The following UNK variants were observed in gnomAD, a reference collection of about 807,000 sequenced individuals.
UNK encodes the protein unk zinc finger.
A neutral mutation model predicts 97.6 loss-of-function variants in UNK; 32 were observed. That is an observed-to-expected ratio of 0.33 (90% CI 0.25 to 0.44). UNK has a LOEUF of 0.44. Among genes scored for constraint, UNK ranks in the 20% least tolerant of loss-of-function variants. UNK has a pLI of 1.00. For synonymous variants in UNK, 441 were observed against 461.2 expected (o/e 0.96, Z 0.56); for missense variants, 771 against 1,098.4 (o/e 0.70, Z 4.21).
At chr17:75,823,678 G>C (rs1368562359) in intron 15 of UNK, among the ~76,000 whole-genome samples, 156 bp downstream of exon 15, 1 of 152,242 alleles carries the variant, frequency 6.6e-6, no homozygotes, top group Admixed American at 6.5e-5. Context: ...TGCTGGGAAT[G>C]GGTGAGGAGA....
intron 1 of UNK, among the ~76,000 whole-genome samples, chr17:75,806,896 G>C (rs542029923): frequency 2.0e-5 from 3 of 152,350 alleles, no homozygotes; most frequent in Admixed American, 2.0e-4. Context: ...AAGGTCTTAA[G>C]TCCCTGACCC....
At chr17:75,804,180 G>A (rs961054187) in intron 1 of UNK, among the ~76,000 whole-genome samples, 42 of 152,334 alleles carry the variant, frequency 2.8e-4, no homozygotes, top group African/African-American at 9.6e-4. Context: ...CTGGGTGGGC[G>A]TGGTGGCTTA....
In UNK at chr17:75,818,813, A is replaced by G. The variant is rs774436441; in HGVS notation, c.1543A>G (p.Ile515Val). The G allele has an allele frequency of 2.5e-6, 4 of 1,598,232 alleles. No homozygotes were observed. The African/African-American group carries it at 4.0e-5, about 16-fold the overall frequency. ...CACCAGCGACACGGTAGAGTCAGTC[A>G]TAGGTAACTAGGCCATTTCTGTTTG... ...YPTSDTVESV[I>V]ESALDDLDLN... is the part of the protein sequence containing the mutation. Residue 515 changes from isoleucine (I) to valine (V), a missense_variant, in exon 11 of 16, where the codon ATA (isoleucine) becomes GTA (valine). Coordinates refer to ENST00000589666, the MANE Select transcript of UNK (RefSeq NM_001080419.3). This position sits in a 1 kb window ranked among gnomAD's most constrained non-coding sequence, Gnocchi z 5.1.
Position 75,790,596 on chromosome 17 carries a change from A to G in UNK, c.104+5612A>G, listed in dbSNP as rs143393174. The stretch of plus-strand genomic sequence containing the variant: ...CAGTGAGCCAAGATTGTGTTACTGC[A>G]CTCCAGCCTGGGTGACAGAGCAAGA... On this transcript the variant is annotated intron_variant, in intron 1 of 15. Coordinates refer to ENST00000589666, the MANE Select transcript of UNK (RefSeq NM_001080419.3). Among the ~76,000 whole-genome samples the G allele has an allele frequency of 2.6e-3, 399 of 152,014 alleles. 1 individual carries two copies. The highest frequency in any genetic ancestry group is 9.2e-3 in the African/African-American group (382 of 41,460).
chr17:75,807,576 C>T (rs1567801951), intron 1 of UNK, among the ~76,000 whole-genome samples: 1 of 152,202 alleles, frequency 6.6e-6, no homozygotes, highest in Admixed American at 6.5e-5. Flanking sequence ...CCTCAGCCTC[C>T]TGAGTAGCTG....
intron 1 of UNK, among the ~76,000 whole-genome samples, chr17:75,803,203 C>T (rs2061879221): frequency 1.3e-5 from 2 of 152,152 alleles, no homozygotes; most frequent in Non-Finnish European, 2.9e-5. Context: ...TCAAGACCAT[C>T]GATCTCCCAA....
At position 75,784,930 on chromosome 17, in the gene UNK, C is replaced by A. The variant is rs1366880557; in HGVS notation, c.50C>A (p.Pro17Gln). The change falls in exon 1 of 16, where the codon CCG (proline) becomes CAG (glutamine). Residue 17 changes from proline (P) to glutamine (Q), a missense_variant. Around this residue, in one of 5 missense-constraint regions of UNK, gnomAD observed 34 missense variants for 24.7 expected, o/e 1.37. Coordinates refer to ENST00000589666, the MANE Select transcript of UNK (RefSeq NM_001080419.3). ...GGCTCCGCAGCTTCCTCGGCGCCCC[C>A]GGCCGCTACCGCTCAGGTGCTGCAG... The part of the protein sequence containing the change: ...PGGSAASSAP[P>Q]AATAQVLQAQ... 6.4e-7 allele frequency: 1 copy of A among 1,554,586 alleles called. No homozygotes were observed. Among genetic ancestry groups the A allele is most frequent in the Non-Finnish European group, 8.7e-7 (1 of 1,153,124 alleles).
At chr17:75,823,125 C>A in intron 14 of UNK, 140 bp from the exon 15 acceptor site, 1 of 1,357,966 alleles carries the variant, frequency 7.4e-7, no homozygotes, top group Non-Finnish European at 9.8e-7. Context: ...CAGCATCAGC[C>A]TCCTCCTTGC....
chr17:75,818,567 C>A lies in UNK; in HGVS notation c.1372-75C>A. On this transcript the variant is annotated intron_variant, in intron 10 of 15. Coordinates refer to ENST00000589666, the MANE Select transcript of UNK (RefSeq NM_001080419.3). The surrounding 1 kb of genome is among the most constrained non-coding windows in gnomAD (Gnocchi z 5.1). ...CACGGGCCATTTCCCTTGCCCCCAG[C>A]CCCTCTCCAGCCTCTCGTCCTGGCC... is the stretch of plus-strand genomic sequence containing the variant. The A allele has an allele frequency of 6.7e-7, 1 of 1,489,114 alleles. No homozygotes were observed. Among genetic ancestry groups the A allele is most frequent in the Non-Finnish European group, 9.0e-7 (1 of 1,109,414 alleles). 92.2% of individuals were successfully genotyped at this position (1,489,114 alleles called of 1,614,324 possible).
Position 75,818,212 on chromosome 17 carries a change from G to A in UNK, c.1371+44G>A. 6.2e-7 allele frequency: 1 copy of A among 1,608,374 alleles called. No homozygotes were observed. The highest frequency in any genetic ancestry group is 1.1e-5 in the South Asian group (1 of 90,704). On this transcript the variant is annotated intron_variant, in intron 10 of 15. Transcript: ENST00000589666. This position sits in a 1 kb window ranked among gnomAD's most constrained non-coding sequence, Gnocchi z 5.1. ...CCTTCCTCCCCTCTGCTGTGGACAG[G>A]AGTGGCCCAGAACCCCAGGAGGCTT...
In UNK at chr17:75,817,597, T is replaced by C; in HGVS notation, c.1305+71T>C. On this transcript the variant is annotated intron_variant, in intron 9 of 15. Transcript: ENST00000589666. The surrounding 1 kb of genome is among the most constrained non-coding windows in gnomAD (Gnocchi z 5.8). ...GGGGCAAGAGAATCTTGGAGGAGTGTCTTGGTCCAGCTACGGGGAGGATGA... is the reference window on the plus strand; with the variant it reads ...GGGGCAAGAGAATCTTGGAGGAGTGCCTTGGTCCAGCTACGGGGAGGATGA... The C allele has an allele frequency of 6.8e-7, 1 of 1,467,238 alleles. No individual in the cohort carries two copies. Among genetic ancestry groups the C allele is most frequent in the Non-Finnish European group, 9.2e-7 (1 of 1,090,638 alleles). 90.9% of individuals were successfully genotyped at this position (1,467,238 alleles called of 1,614,324 possible).
intron 1 of UNK, among the ~76,000 whole-genome samples, chr17:75,802,509 G>A (rs752926703): frequency 2.6e-5 from 4 of 151,910 alleles, no homozygotes; most frequent in Admixed American, 2.0e-4. Context: ...TCCCACCTCC[G>A]CCTCCTGTGT....
intron 1 of UNK, chr17:75,785,487 G>A (rs2061700744): frequency 6.5e-6 from 1 of 153,056 alleles, no homozygotes; most frequent in Non-Finnish European, 1.5e-5. Flanking sequence ...ACACTTGCTT[G>A]AATTCACAGT....
chr17:75,812,204 C>T lies in UNK; in HGVS notation c.407C>T (p.Ser136Leu). 6.2e-7 allele frequency: 1 copy of T among 1,614,062 alleles called. No homozygotes were observed. The highest frequency in any genetic ancestry group is 8.5e-7 in the Non-Finnish European group (1 of 1,179,924). The part of the protein sequence containing the change: ...KTGICIHETD[S>L]KGNCTKNGLH... ...GGAATCTGCATCCACGAGACAGACT[C>T]GAAAGGCAACTGCACCAAAAACGGC... Residue 136 changes from serine (S) to leucine (L), a missense_variant, in exon 3 of 16, where the codon TCG (serine) becomes TTG (leucine). Ser to Leu is a moderately radical substitution (Grantham distance 145). Around this residue, in one of 5 missense-constraint regions of UNK, gnomAD observed 246 missense variants for 440.7 expected, o/e 0.56. Transcript: ENST00000589666.
chr17:75,794,320 G>A (rs1466735309), intron 1 of UNK: 1 of 384,508 alleles, frequency 2.6e-6, no homozygotes, highest in Admixed American at 6.4e-5. Flanking sequence ...TACTACTGTT[G>A]TTTTTCCTTT....
intron 1 of UNK, among the ~76,000 whole-genome samples, chr17:75,803,195 A>G (rs879509708): frequency 2.8e-4 from 39 of 137,816 alleles, no homozygotes; most frequent in South Asian, 9.0e-4. Context: ...TCAGGAGATC[A>G]AGACCATCGA....
Position 75,817,551 on chromosome 17 carries a change from G to A in UNK, c.1305+25G>A. 1.3e-6 allele frequency: 2 copies of A among 1,580,372 alleles called. No individual in the cohort carries two copies. Among genetic ancestry groups the A allele is most frequent in the Middle Eastern group, 1.9e-4 (1 of 5,132 alleles). The stretch of plus-strand genomic sequence containing the variant: ...GGTAAGGGATGAGGGAGGCAGCAGT[G>A]AGGTTAGCCTTCTCCTGCGTGGGGC... On this transcript the variant is annotated intron_variant, in intron 9 of 15. Coordinates refer to ENST00000589666, the MANE Select transcript of UNK (RefSeq NM_001080419.3). The surrounding 1 kb of genome is among the most constrained non-coding windows in gnomAD (Gnocchi z 5.8).
intron 1 of UNK, among the ~76,000 whole-genome samples, chr17:75,802,308 GCATGC>G (rs2061868795): frequency 7.7e-6 from 1 of 129,348 alleles, no homozygotes; most frequent in African/African-American, 2.9e-5. Flanking sequence ...ACCCAGGCTG[GCATGC>G]AGTGGTGCAA....
Position 75,818,365 on chromosome 17 carries a change from G to T in UNK, c.1371+197G>T, listed in dbSNP as rs2062035679. 6.6e-6 allele frequency among the ~76,000 whole-genome samples: 1 copy of T among 152,140 alleles called. No homozygotes were observed. Among genetic ancestry groups the T allele is most frequent in the Admixed American group, 6.5e-5 (1 of 15,286 alleles). On this transcript the variant is annotated intron_variant, in intron 10 of 15. Coordinates refer to ENST00000589666, the MANE Select transcript of UNK (RefSeq NM_001080419.3). This position sits in a 1 kb window ranked among gnomAD's most constrained non-coding sequence, Gnocchi z 5.1. The stretch of plus-strand genomic sequence containing the variant: ...CTCACCTCCTAGACTCAGTGGAGAA[G>T]GTGTTCCTGGAGCCTCTGCACTCTG...
Sources: allele counts gnomAD v4.1 joint callset (sites outside exome capture counted in the v4.1 genomes callset), GRCh38; gene constraint gnomAD v4.1.1; regional missense constraint gnomAD v4.1.1; non-coding constraint Gnocchi (gnomAD v3.1); transcripts MANE v1.5; gene names NCBI Gene and HGNC (gene_info 2026-07-23, HGNC 2026-07-21).